Variants in HERC1 observed in about 807,000 individuals in gnomAD.
HERC1 encodes probable E3 ubiquitin-protein ligase HERC1.
HERC1 carries 160 observed loss-of-function variants against 554.3 expected under a neutral mutation model. That is an observed-to-expected ratio of 0.29 (90% CI 0.25 to 0.33). The LOEUF (loss-of-function observed/expected upper bound fraction) is 0.33. Among genes scored for constraint, HERC1 ranks in the 10% least tolerant of loss-of-function variants. HERC1 has a pLI of 1.00. For synonymous variants in HERC1, 2,175 were observed against 2,131.7 expected, an observed-to-expected ratio of 1.02 and a Z score of -0.56; for missense variants, 4,919 against 5,918.5, an observed-to-expected ratio of 0.83 and a Z score of 5.54.
chr15:63,828,620 T>G (rs2078022678), intron 1 of HERC1, among the ~76,000 whole-genome samples: 1 of 152,184 alleles, frequency 6.6e-6, no homozygotes, highest in East Asian at 1.9e-4. Flanking sequence ...ATTACAGGCA[T>G]GAGCCACCGC....
chr15:63,829,525 A>ATG (rs35630917), intron 1 of HERC1, among the ~76,000 whole-genome samples: 98,556 of 121,910 alleles, frequency 0.81, 41,425 homozygotes, highest in Non-Finnish European at 0.87. Flanking sequence ...TATAAATAAT[A>ATG]TGTGTGCACA....
At chr15:63,668,753 A>T (rs963429661) in intron 40 of HERC1, among the ~76,000 whole-genome samples, 4 of 152,246 alleles carry the variant, frequency 2.6e-5, no homozygotes, top group African/African-American at 2.4e-5. Flanking sequence ...TTATGAACCT[A>T]AAGACAGAGC....
intron 40 of HERC1, among the ~76,000 whole-genome samples, chr15:63,667,146 G>GT: frequency 1.3e-5 from 2 of 152,266 alleles, no homozygotes; most frequent in South Asian, 4.1e-4. Flanking sequence ...TGAATAAACA[G>GT]TATGTATTAA....
Position 63,758,447 on chromosome 15 carries a change from TTACTG to T in HERC1, c.1027-83_1027-79del. The T allele has an allele frequency of 6.2e-6, 6 of 968,296 alleles. No individual in the cohort carries two copies. The highest frequency in any genetic ancestry group is 9.0e-6 in the Non-Finnish European group (6 of 663,028). 60.0% of individuals were successfully genotyped at this position (968,296 alleles called of 1,614,324 possible). On this transcript the variant is annotated intron_variant, in intron 3 of 77. Coordinates refer to ENST00000443617, the MANE Select transcript of HERC1 (RefSeq NM_003922.4). This position sits in a 1 kb window ranked among gnomAD's most constrained non-coding sequence, Gnocchi z 4.0. ...CATTTTTTATACATATCCTCTGAAA[TTACTG>T]TTGCCTTTCCTTCCAACACTCTCAA...
intron 12 of HERC1, among the ~76,000 whole-genome samples, chr15:63,746,596 C>T (rs1222521446): frequency 6.6e-6 from 1 of 152,126 alleles, no homozygotes; most frequent in African/African-American, 2.4e-5. Context: ...GCCCTAGGTC[C>T]TTGCCCTCAG....
intron 3 of HERC1, among the ~76,000 whole-genome samples, chr15:63,759,708 A>T (rs138435265): frequency 4.6e-5 from 7 of 152,338 alleles, no homozygotes; most frequent in Non-Finnish European, 4.4e-5. Flanking sequence ...AGTGACTATC[A>T]ATTTGTTTTC....
At chr15:63,628,611 CAG>C in intron 70 of HERC1, 64 bp downstream of exon 70, 4 of 1,470,406 alleles carry the variant, frequency 2.7e-6, no homozygotes, top group Middle Eastern at 2.3e-4. Context: ...AACTGGCAAG[CAG>C]ACAGTGCCAT....
chr15:63,666,205 A>T, intron 41 of HERC1, 55 bp from the exon 42 acceptor site: 2 of 1,478,512 alleles, frequency 1.4e-6, no homozygotes, highest in Non-Finnish European at 1.8e-6. Context: ...TTAGGTCTTT[A>T]TGTTATAAGA....
intron 1 of HERC1, among the ~76,000 whole-genome samples, chr15:63,809,771 C>T (rs1381906019): frequency 6.9e-6 from 1 of 144,252 alleles, no homozygotes; most frequent in Non-Finnish European, 1.5e-5. Flanking sequence ...CTATTCATTG[C>T]AGCCTTGTTT....
At chr15:63,691,757 G>C (rs1169942193) in intron 31 of HERC1, among the ~76,000 whole-genome samples, 1 of 152,108 alleles carries the variant, frequency 6.6e-6, no homozygotes, top group Non-Finnish European at 1.5e-5. Flanking sequence ...GGCATACTTA[G>C]ATTAGAGATT....
At chr15:63,812,904 T>A (rs922739344) in intron 1 of HERC1, among the ~76,000 whole-genome samples, 1 of 152,154 alleles carries the variant, frequency 6.6e-6, no homozygotes, top group Non-Finnish European at 1.5e-5. Flanking sequence ...GTCCCCCAAA[T>A]TGATCTATAA....
chr15:63,656,386 G>A, intron 48 of HERC1, 28 bp from the exon 49 acceptor site: 2 of 1,588,352 alleles, frequency 1.3e-6, no homozygotes, highest in Non-Finnish European at 1.7e-6. Context: ...CATCTCAGAT[G>A]GATAAAGAAA....
intron 25 of HERC1, among the ~76,000 whole-genome samples, chr15:63,704,493 G>T: frequency 6.6e-6 from 1 of 152,210 alleles, no homozygotes. Context: ...ATGCTACTCA[G>T]TAAGTCTGGA....
At position 63,718,125 on chromosome 15, in the gene HERC1, A is replaced by ACAC. The variant is rs1555427735; in HGVS notation, c.3978+448_3978+449insGTG. On this transcript the variant is annotated intron_variant, in intron 21 of 77. Coordinates refer to ENST00000443617, the MANE Select transcript of HERC1 (RefSeq NM_003922.4). The surrounding 1 kb of genome is among the most constrained non-coding windows in gnomAD (Gnocchi z 4.2). ...ACACACACACACACACACACACACAACCCCCTCCTTGGTTTTCACTTCTCT... is the reference window on the plus strand; with the variant it reads ...ACACACACACACACACACACACACAACACCCCCCTCCTTGGTTTTCACTTCTCT... Among the ~76,000 whole-genome samples the ACAC allele has an allele frequency of 2.1e-4, 12 of 57,044 alleles. No homozygotes were observed. The highest frequency in any genetic ancestry group is 3.4e-4 in the East Asian group (1 of 2,902). 37.4% of individuals were successfully genotyped at this position (57,044 alleles called of 152,430 possible).
intron 74 of HERC1, among the ~76,000 whole-genome samples, chr15:63,617,003 T>C (rs528344091): frequency 6.6e-6 from 1 of 152,058 alleles, no homozygotes; most frequent in Admixed American, 6.5e-5. Context: ...CTAAAATCAT[T>C]ATCTTTTTTT....
Position 63,692,428 on chromosome 15 carries a change from G to A in HERC1, c.5813C>T (p.Ser1938Phe), listed in dbSNP as rs374657243. Reference sequence around the variant, plus strand: ...ACATGTACCTGAAGAACATTTCTGAGATGCTATATTTAGAAGCACTTCGGT... The same window carrying A: ...ACATGTACCTGAAGAACATTTCTGAAATGCTATATTTAGAAGCACTTCGGT... ...KWTEVLLNIA[S>F]QKCSSGIPLV... The change falls in exon 31 of 78, where the codon TCT becomes TTT. Residue 1938 changes from serine to phenylalanine, a missense_variant. Ser to Phe is a radical substitution (Grantham distance 155). Transcript: ENST00000443617. The surrounding 1 kb of genome is among the most constrained non-coding windows in gnomAD (Gnocchi z 4.7). 4 of 1,605,930 alleles carry A rather than the reference G, an allele frequency of 2.5e-6. No homozygotes were observed. In the African/African-American group the frequency reaches 4.0e-5, roughly 16 times the overall value.
chr15:63,696,797 T>C (rs56175545), intron 26 of HERC1, among the ~76,000 whole-genome samples: 24,029 of 152,126 alleles, frequency 0.16, 2,187 homozygotes, highest in Middle Eastern at 0.21. Flanking sequence ...TAAGTTTATA[T>C]AGAATGAATA....
chr15:63,640,517 C>CCTG, intron 60 of HERC1, 72 bp from the exon 61 acceptor site: 1 of 1,217,722 alleles, frequency 8.2e-7, no homozygotes, highest in Admixed American at 2.5e-5. Context: ...CTACCGTAGT[C>CCTG]TGAAAGTCTG....
At chr15:63,760,941 A>G (rs1057192707) in intron 3 of HERC1, among the ~76,000 whole-genome samples, 2 of 152,212 alleles carry the variant, frequency 1.3e-5, no homozygotes, top group African/African-American at 2.4e-5. Flanking sequence ...GCAAATATGC[A>G]TGGCTCACAT....
Sources: allele counts gnomAD v4.1 joint callset (sites outside exome capture counted in the v4.1 genomes callset), GRCh38; gene constraint gnomAD v4.1.1; non-coding constraint Gnocchi (gnomAD v3.1); transcripts MANE v1.5; gene names NCBI Gene and HGNC (gene_info 2026-07-23, HGNC 2026-07-21).